PTPRF: variants seen among roughly 807,000 people sequenced by gnomAD.
The protein encoded by PTPRF is protein tyrosine phosphatase receptor type F, also known as receptor-type tyrosine-protein phosphatase F.
Under a neutral mutation model 201.8 loss-of-function variants are expected in PTPRF, and 59 were observed. That is an observed-to-expected ratio of 0.29 (90% CI 0.24 to 0.36). The LOEUF (loss-of-function observed/expected upper bound fraction) is 0.36, where lower values mean the gene tolerates loss of function less well. Among genes scored for constraint, PTPRF ranks in the 10% least tolerant of loss-of-function variants. The pLI is 1.00. For synonymous variants in PTPRF, 1,088 were observed against 1,089.7 expected, an observed-to-expected ratio of 1.00 and a Z score of 0.03; for missense variants, 2,132 against 2,690.5, an observed-to-expected ratio of 0.79 and a Z score of 4.59.
intron 23 of PTPRF, 121 bp from the exon 24 acceptor site, chr1:43,617,324 G>T: frequency 7.1e-7 from 1 of 1,410,116 alleles, no homozygotes. Context: ...AGAGGGCCTG[G>T]CTGTGGCCTG....
At chr1:43,533,984 G>T (rs1643865147) in intron 1 of PTPRF, among the ~76,000 whole-genome samples, 1 of 152,198 alleles carries the variant, frequency 6.6e-6, no homozygotes, top group Non-Finnish European at 1.5e-5. Context: ...CTGCGGTTCT[G>T]AGTTGGGTTA....
chr1:43,606,763 G>C (rs368230366), intron 20 of PTPRF, 51 bp from the exon 21 acceptor site: 16 of 1,592,336 alleles, frequency 1.0e-5, no homozygotes, highest in African/African-American at 1.3e-5. Flanking sequence ...GGCAGAGGGT[G>C]GGGGGTTCTC....
At chr1:43,578,689 G>A in intron 6 of PTPRF, 121 bp from the exon 7 acceptor site, 2 of 724,820 alleles carry the variant, frequency 2.8e-6, no homozygotes, top group Admixed American at 4.7e-5. Context: ...GCCAGGGTGT[G>A]GCCTGGATGA....
intron 30 of PTPRF, 30 bp downstream of exon 30, chr1:43,620,251 G>A: frequency 6.2e-7 from 1 of 1,611,936 alleles, no homozygotes; most frequent in Non-Finnish European, 8.5e-7. Flanking sequence ...CAGGGCCCCT[G>A]TCATACCTGG....
upstream of PTPRF, among the ~76,000 whole-genome samples, chr1:43,529,668 G>C (rs1452591796): frequency 6.6e-6 from 1 of 152,144 alleles, no homozygotes; most frequent in Admixed American, 6.5e-5. Flanking sequence ...AAGAGCTGGT[G>C]TGGCTTTGGC....
Position 43,588,590 on chromosome 1 carries a change from G to A in PTPRF, c.680-141G>A, listed in dbSNP as rs1460799803. The A allele has an allele frequency of 2.7e-6, 3 of 1,100,636 alleles. No individual in the cohort carries two copies. The highest frequency in any genetic ancestry group is 1.6e-5 in the African/African-American group (1 of 63,354). 68.2% of individuals were successfully genotyped at this position (1,100,636 alleles called of 1,614,324 possible). A position where few individuals can be genotyped will look rare whatever the true frequency, so the allele number is the denominator to read the frequency against. On this transcript the variant is annotated intron_variant, in intron 7 of 33. Coordinates refer to ENST00000359947, the MANE Select transcript of PTPRF (RefSeq NM_002840.5). This position sits in a 1 kb window ranked among gnomAD's most constrained non-coding sequence, Gnocchi z 5.3. The stretch of plus-strand genomic sequence containing the variant: ...GGGGTGGGAGTGGATGATGAGCTGG[G>A]GTCTGGCGGTGCCACCCCTCCTGTC...
rs74071942 is a variant in PTPRF at position 43,534,776 on chromosome 1, G to A, written c.-125-3422G>A. Among the ~76,000 whole-genome samples, 1,470 of 152,266 alleles carry A rather than the reference G, an allele frequency of 9.7e-3. 18 individuals carry two copies. The highest frequency in any genetic ancestry group is 0.034 in the African/African-American group (1,401 of 41,538). On this transcript the variant is annotated intron_variant, in intron 1 of 33. Coordinates refer to ENST00000359947, the MANE Select transcript of PTPRF (RefSeq NM_002840.5). ...GAGAGACCATAGAGCTGTGCACCTCGAGAGAAAGTAACCTCCGACAGTGGT... is the reference window on the plus strand; with the variant it reads ...GAGAGACCATAGAGCTGTGCACCTCAAGAGAAAGTAACCTCCGACAGTGGT...
chr1:43,559,587 G>GACA (rs149485437), intron 5 of PTPRF, among the ~76,000 whole-genome samples: 1 of 65,112 alleles, frequency 1.5e-5, no homozygotes, highest in East Asian at 5.2e-4. Flanking sequence ...GTGTGCAGCA[G>GACA]GCGTGTGTGT....
chr1:43,587,412 C>T (rs532735176), intron 7 of PTPRF, among the ~76,000 whole-genome samples: 5 of 152,326 alleles, frequency 3.3e-5, no homozygotes, highest in African/African-American at 7.2e-5. Flanking sequence ...TGTTATGCCA[C>T]GCTGTTGACA....
rs1237526526 is a variant in PTPRF at position 43,535,402 on chromosome 1, C to T, written c.-125-2796C>T. On this transcript the variant is annotated intron_variant, in intron 1 of 33. Transcript: ENST00000359947. Reference sequence around the variant, plus strand: ...CCTGGGCCCTGGGCTTCTACTGAGGCTCTTTCTGCCACCATCTGCCTCTGT... The same window carrying T: ...CCTGGGCCCTGGGCTTCTACTGAGGTTCTTTCTGCCACCATCTGCCTCTGT... Among the ~76,000 whole-genome samples the T allele has an allele frequency of 2.0e-5, 3 of 152,132 alleles. No homozygotes were observed. In the East Asian group the frequency reaches 5.8e-4, roughly 29 times the overall value.
intron 11 of PTPRF, 75 bp downstream of exon 11, chr1:43,592,676 C>G (rs1479247932): frequency 5.6e-6 from 8 of 1,429,214 alleles, no homozygotes; most frequent in African/African-American, 1.4e-5. Context: ...CACATCCTTC[C>G]CCCTCGACCA....
intron 24 of PTPRF, 74 bp downstream of exon 24, chr1:43,617,642 A>G: frequency 6.2e-7 from 1 of 1,606,764 alleles, no homozygotes; most frequent in Non-Finnish European, 8.5e-7. Context: ...CATTCTACAG[A>G]GGATGTCCAC....
At chr1:43,615,240 C>G (rs1190113576) in intron 23 of PTPRF, among the ~76,000 whole-genome samples, 1 of 152,206 alleles carries the variant, frequency 6.6e-6, no homozygotes, top group African/African-American at 2.4e-5. Context: ...ATAGGGCCCC[C>G]CTGGGGCCCT....
intron 7 of PTPRF, among the ~76,000 whole-genome samples, chr1:43,585,169 TCCAGGGTGAGG>T (rs1380656876): frequency 1.3e-5 from 2 of 152,210 alleles, no homozygotes; most frequent in Non-Finnish European, 2.9e-5. Flanking sequence ...CAATAGACTG[TCCAGGGTGAGG>T]CCTGTTCCTT....
chr1:43,607,035 G>A lies in PTPRF; in HGVS notation c.3857+67G>A, dbSNP rs919157482. The A allele has an allele frequency of 4.6e-5, 72 of 1,574,828 alleles. 1 individual carries two copies. In the African/African-American group the frequency reaches 8.6e-4, roughly 19 times the overall value. Reference sequence around the variant, plus strand: ...CTCGCCTTTCAGGCCCTCTCCGGGTGTGGTGCCTGTGGAGAGCGTGCAGCC... The same window carrying A: ...CTCGCCTTTCAGGCCCTCTCCGGGTATGGTGCCTGTGGAGAGCGTGCAGCC... On this transcript the variant is annotated intron_variant, in intron 21 of 33. Coordinates refer to ENST00000359947, the MANE Select transcript of PTPRF (RefSeq NM_002840.5).
intron 7 of PTPRF, among the ~76,000 whole-genome samples, chr1:43,587,046 C>G (rs879486383): frequency 6.6e-6 from 1 of 152,236 alleles, no homozygotes; most frequent in Non-Finnish European, 1.5e-5. Flanking sequence ...ATCCAGCCCA[C>G]CAGCACCTGT....
intron 25 of PTPRF, among the ~76,000 whole-genome samples, chr1:43,618,182 TG>T (rs771907630): frequency 3.7e-4 from 57 of 152,288 alleles, no homozygotes; most frequent in Non-Finnish European, 7.1e-4. Context: ...CCCCAGTTGC[TG>T]GCGTGTTCCC....
intron 7 of PTPRF, among the ~76,000 whole-genome samples, chr1:43,585,614 C>T (rs1215191981): frequency 6.6e-6 from 1 of 152,194 alleles, no homozygotes; most frequent in Non-Finnish European, 1.5e-5. Flanking sequence ...CACAACTCTT[C>T]TGTGAAGCGC....
intron 22 of PTPRF, among the ~76,000 whole-genome samples, chr1:43,611,452 A>C (rs1656427938): frequency 6.6e-6 from 1 of 152,112 alleles, no homozygotes; most frequent in East Asian, 1.9e-4. Flanking sequence ...GCAGCATGAG[A>C]GTTAGGGGCT....
Sources: gnomAD v4.1 joint callset for allele counts (sites outside exome capture counted in the v4.1 genomes callset) on GRCh38, gnomAD v4.1.1 for gene constraint, Gnocchi (gnomAD v3.1) non-coding constraint, MANE v1.5 for transcripts, NCBI Gene and HGNC (gene_info 2026-07-23, HGNC 2026-07-21) for gene names.